The following UGCG variants were observed in gnomAD, a reference collection of about 807,000 sequenced individuals.
The protein encoded by UGCG is ceramide glucosyltransferase.
Under a neutral mutation model 49.5 loss-of-function variants are expected in UGCG, and 10 were observed. That is an observed-to-expected ratio of 0.20 (90% CI 0.12 to 0.34). The LOEUF is 0.34. Among genes scored for constraint, UGCG ranks in the 10% least tolerant of loss-of-function variants. The probability of loss-of-function intolerance (pLI) is 1.00; values close to 1 mark genes in which losing one functional copy is unlikely to be tolerated. For synonymous variants in UGCG, 182 were observed against 158.2 expected, an observed-to-expected ratio of 1.15 and a Z score of -1.13; for missense variants, 312 against 483.7, an observed-to-expected ratio of 0.65 and a Z score of 3.33.
chr9:111,922,984 A>G (rs1422480043), intron 3 of UGCG, 33 bp downstream of exon 3: 1 of 1,378,842 alleles, frequency 7.3e-7, no homozygotes, highest in South Asian at 1.2e-5. Context: ...ACCATTTTCC[A>G]TTGATAGTAT....
chr9:111,932,329 A>C lies in UGCG; in HGVS notation c.984A>C (p.Ile328=). 1 of 1,614,096 alleles carries C rather than the reference A, an allele frequency of 6.2e-7. No individual in the cohort carries two copies. Among genetic ancestry groups the C allele is most frequent in the Non-Finnish European group, 8.5e-7 (1 of 1,180,028 alleles). ...FFMCHCLAWF[I]FDYIQLRGVQ... is the part of the protein sequence containing the mutation. ...TGTGTCATTGCCTGGCATGGTTTAT[A>C]TTTGACTACATTCAACTCAGGGGTG... The change falls in exon 8 of 9, where the codon ATA becomes ATC. Residue 328 remains isoleucine, a synonymous_variant. Coordinates refer to ENST00000374279, the MANE Select transcript of UGCG (RefSeq NM_003358.3).
intron 1 of UGCG, among the ~76,000 whole-genome samples, chr9:111,909,173 TC>T (rs1837947948): frequency 6.6e-6 from 1 of 152,180 alleles, no homozygotes; most frequent in Non-Finnish European, 1.5e-5. Flanking sequence ...GCCTGCCTCA[TC>T]TTCCCAAAGT....
At position 111,929,553 on chromosome 9, in the gene UGCG, T is replaced by C. The variant is rs1838384227; in HGVS notation, c.612T>C (p.Gly204=). 6.2e-7 allele frequency: 1 copy of C among 1,613,992 alleles called. No individual in the cohort carries two copies. Among genetic ancestry groups the C allele is most frequent in the Non-Finnish European group, 8.5e-7 (1 of 1,179,964 alleles). The change falls in exon 6 of 9, where the codon GGT becomes GGC. Residue 204 remains glycine, a synonymous_variant. Transcript: ENST00000374279. ...ACTATATCTCTGCCAATGTAACTGG[T>C]TTCAAATGTGTGACAGGAATGTCTT... ...PRYYISANVT[G]FKCVTGMSCL... is the part of the protein sequence containing the mutation.
In UGCG at chr9:111,897,112, G is replaced by T; in HGVS notation, c.-104G>T. On this transcript the variant is annotated 5_prime_UTR_variant, in exon 1 of 9. Transcript: ENST00000374279. ...CCTTTCCTCTCCCCACCTTCCTCTC[G>T]CCTCCCGCGCCCCCGCACCGGGCGC... 1 of 575,464 alleles carries T rather than the reference G, an allele frequency of 1.7e-6. No individual in the cohort carries two copies. 35.6% of individuals were successfully genotyped at this position (575,464 alleles called of 1,614,324 possible). A position where few individuals can be genotyped will look rare whatever the true frequency, so the allele number is the denominator to read the frequency against.
chr9:111,920,282 C>T (rs1300272437), intron 2 of UGCG, among the ~76,000 whole-genome samples: 1 of 152,102 alleles, frequency 6.6e-6, no homozygotes, highest in Non-Finnish European at 1.5e-5. Flanking sequence ...ACATGTTTTT[C>T]ATTTGACAAA....
chr9:111,906,415 T>TTGTGTG (rs1037098091), intron 1 of UGCG, among the ~76,000 whole-genome samples: 1 of 151,828 alleles, frequency 6.6e-6, no homozygotes, highest in East Asian at 1.9e-4. Context: ...CTTGTTTCTT[T>TTGTGTG]TGTGTGTGTG....
chr9:111,908,634 A>G (rs191322803), intron 1 of UGCG, among the ~76,000 whole-genome samples: 116 of 152,336 alleles, frequency 7.6e-4, no homozygotes, highest in Non-Finnish European at 1.1e-3. Flanking sequence ...AGCCAGATGC[A>G]TTATAGGAAG....
intron 1 of UGCG, among the ~76,000 whole-genome samples, chr9:111,899,687 C>G (rs1488882732): frequency 1.3e-5 from 2 of 152,086 alleles, no homozygotes; most frequent in African/African-American, 4.8e-5. Context: ...CCTTATTCCT[C>G]CAAATTATTA....
At chr9:111,901,533 G>C (rs1837771782) in intron 1 of UGCG, among the ~76,000 whole-genome samples, 1 of 152,128 alleles carries the variant, frequency 6.6e-6, no homozygotes, top group African/African-American at 2.4e-5. Context: ...AACAAAGTGA[G>C]GGGCAGTGTG....
intron 2 of UGCG, chr9:111,915,968 TTGTG>T (rs1838103284): frequency 4.8e-6 from 1 of 210,432 alleles, no homozygotes; most frequent in South Asian, 1.7e-4. Flanking sequence ...ATGTTCTAGT[TTGTG>T]TGTGTTTATA....
In UGCG at chr9:111,924,757, C is replaced by T. The variant is rs1239353086; in HGVS notation, c.344-20C>T. ...TTAATGTTGCATAAATCTTTTACTA[C>T]TGTACCTTTACATTTTTAGGTGGCA... On this transcript the variant is annotated intron_variant, in intron 3 of 8. Transcript: ENST00000374279. The T allele has an allele frequency of 7.4e-7, 1 of 1,357,160 alleles. No homozygotes were observed. The highest frequency in any genetic ancestry group is 1.5e-5 in the South Asian group (1 of 67,942). The allele number at this position is 1,357,160 out of a possible 1,614,324, so 84.1% of individuals were successfully genotyped here. A position where few individuals can be genotyped will look rare whatever the true frequency, so the allele number is the denominator to read the frequency against.
chr9:111,922,389 A>G (rs567674527), intron 2 of UGCG, among the ~76,000 whole-genome samples: 1 of 152,324 alleles, frequency 6.6e-6, no homozygotes, highest in African/African-American at 2.4e-5. Flanking sequence ...TTTATATGAA[A>G]TTTGTTGCAC....
At chr9:111,910,811 T>A (rs1417754243) in intron 1 of UGCG, among the ~76,000 whole-genome samples, 1 of 152,176 alleles carries the variant, frequency 6.6e-6, no homozygotes, top group Non-Finnish European at 1.5e-5. Flanking sequence ...AGTGGCGCGA[T>A]CTCTGCTCAT....
intron 2 of UGCG, among the ~76,000 whole-genome samples, chr9:111,918,929 A>C (rs1838163789): frequency 7.3e-6 from 1 of 136,230 alleles, no homozygotes; most frequent in Admixed American, 7.5e-5. Flanking sequence ...CGTCTCAAAA[A>C]AAAAAAACAA....
chr9:111,926,537 C>T, intron 5 of UGCG, 41 bp downstream of exon 5: 7 of 1,434,768 alleles, frequency 4.9e-6, no homozygotes, highest in Non-Finnish European at 5.7e-6. Context: ...AGTATCAGAC[C>T]CCTCATTTCC....
At chr9:111,897,467 G>C (rs1331341209) in intron 1 of UGCG, among the ~76,000 whole-genome samples, 154 bp downstream of exon 1, 4 of 152,066 alleles carry the variant, frequency 2.6e-5, no homozygotes, top group African/African-American at 9.7e-5. Flanking sequence ...CTCGCCCCTC[G>C]GACCGGCGGT....
At chr9:111,907,618 C>A (rs1472819824) in intron 1 of UGCG, among the ~76,000 whole-genome samples, 1 of 142,018 alleles carries the variant, frequency 7.0e-6, no homozygotes, top group Non-Finnish European at 1.5e-5. Flanking sequence ...CTCTTCAATT[C>A]ATTTTCTTTC....
At chr9:111,929,278 G>T (rs932537979) in intron 5 of UGCG, 12 of 382,508 alleles carry the variant, frequency 3.1e-5, no homozygotes, top group South Asian at 5.3e-5. Context: ...ACCTTATTTT[G>T]TATCTAAATT....
chr9:111,920,009 T>C (rs1326486072), intron 2 of UGCG, among the ~76,000 whole-genome samples: 1 of 152,128 alleles, frequency 6.6e-6, no homozygotes, highest in East Asian at 1.9e-4. Flanking sequence ...GGAGGCTGAC[T>C]GACACTTTCT....
Sources: allele counts gnomAD v4.1 joint callset (sites outside exome capture counted in the v4.1 genomes callset), GRCh38; gene constraint gnomAD v4.1.1; transcripts MANE v1.5; gene names NCBI Gene and HGNC (gene_info 2026-07-23, HGNC 2026-07-21).